Variants in CACHD1 observed in about 807,000 individuals in gnomAD.
CACHD1 encodes the protein cache domain containing 1.
Under a neutral mutation model 138.7 loss-of-function variants are expected in CACHD1, and 71 were observed. That is an observed-to-expected ratio of 0.51 (90% confidence interval 0.42 to 0.62). CACHD1 has a LOEUF of 0.62. Ranked by LOEUF, CACHD1 falls within the 20% of genes least tolerant of loss-of-function variation. CACHD1 has a pLI of 0.00. For synonymous variants in CACHD1, 578 were observed against 591.5 expected (o/e 0.98, Z 0.33); for missense variants, 1,389 against 1,625.3 (o/e 0.85, Z 2.50).
intron 26 of CACHD1, among the ~76,000 whole-genome samples, chr1:64,685,868 ATGCTGGGTGGAGT>A (rs1329639418): frequency 1.3e-5 from 2 of 151,916 alleles, no homozygotes; most frequent in Admixed American, 1.3e-4. Context: ...GAAAAAAAAA[ATGCTGGGTGGAGT>A]TGCAATGAGG....
At chr1:64,626,146 A>G (rs555306128) in intron 4 of CACHD1, among the ~76,000 whole-genome samples, 43 of 152,362 alleles carry the variant, frequency 2.8e-4, no homozygotes, top group Admixed American at 2.5e-3. Flanking sequence ...CAATTAGCCT[A>G]AAATGAGGTT....
At chr1:64,553,702 A>G (rs913754346) in intron 2 of CACHD1, among the ~76,000 whole-genome samples, 4 of 152,248 alleles carry the variant, frequency 2.6e-5, no homozygotes, top group African/African-American at 9.6e-5. Flanking sequence ...GACCTTCCAA[A>G]GAGAATATCT....
intron 5 of CACHD1, among the ~76,000 whole-genome samples, chr1:64,629,840 A>G (rs1192158058): frequency 6.6e-6 from 1 of 152,192 alleles, no homozygotes; most frequent in African/African-American, 2.4e-5. Flanking sequence ...TTTATAACAT[A>G]TCTCAGAGTA....
chr1:64,493,093 G>A (rs1288651892), intron 1 of CACHD1, among the ~76,000 whole-genome samples: 1 of 152,230 alleles, frequency 6.6e-6, no homozygotes. Context: ...CTGTGTCACA[G>A]AGCTGTTGTC....
chr1:64,593,438 A>G (rs1237570533), intron 3 of CACHD1, among the ~76,000 whole-genome samples: 2 of 152,202 alleles, frequency 1.3e-5, no homozygotes, highest in Non-Finnish European at 2.9e-5. Context: ...TGTTTTTATG[A>G]GAAATAAAAT....
intron 3 of CACHD1, among the ~76,000 whole-genome samples, chr1:64,597,510 GTTTTTTTTTTGTTGTTT>G (rs1557511902): frequency 9.0e-6 from 1 of 111,538 alleles, no homozygotes; most frequent in African/African-American, 3.5e-5. Flanking sequence ...CCAGAAGGAA[GTTTTTTTTTTGTTGTTT>G]TTTTTTTTTT....
At chr1:64,641,791 G>C (rs775663305) in intron 7 of CACHD1, 29 bp from the exon 8 acceptor site, 33 of 1,474,776 alleles carry the variant, frequency 2.2e-5, no homozygotes, top group African/African-American at 1.6e-4. Flanking sequence ...AATCCAAAGA[G>C]AGCATTCAAT....
intron 1 of CACHD1, among the ~76,000 whole-genome samples, chr1:64,512,822 T>C (rs1382376914): frequency 6.6e-6 from 1 of 152,244 alleles, no homozygotes; most frequent in Non-Finnish European, 1.5e-5. Context: ...CATGTAAGTT[T>C]GATATGTGGT....
Position 64,529,880 on chromosome 1 carries a change from A to C in CACHD1, c.199-20714A>C, listed in dbSNP as rs370132213. 2.2e-4 allele frequency among the ~76,000 whole-genome samples: 34 copies of C among 152,308 alleles called. No homozygotes were observed. In the South Asian group the frequency reaches 7.0e-3, roughly 32 times the overall value. ...CTTTAGAGGGTTTTTATAATTTCCA[A>C]ATCTTAAGTCTTGCCTCTAGGTCTT... is the stretch of plus-strand genomic sequence containing the variant. On this transcript the variant is annotated intron_variant, in intron 1 of 26. Transcript: ENST00000651257.
chr1:64,538,782 A>G (rs1310934112), intron 1 of CACHD1, among the ~76,000 whole-genome samples: 3 of 152,232 alleles, frequency 2.0e-5, no homozygotes, highest in Non-Finnish European at 4.4e-5. Flanking sequence ...ATAAATGAAC[A>G]CTTCTTCAGA....
chr1:64,551,136 C>T (rs1646755932), intron 2 of CACHD1, among the ~76,000 whole-genome samples: 1 of 152,042 alleles, frequency 6.6e-6, no homozygotes, highest in South Asian at 2.1e-4. Context: ...GACAAATTGA[C>T]CAAGAATGAA....
intron 3 of CACHD1, among the ~76,000 whole-genome samples, chr1:64,596,765 A>G (rs1270954164): frequency 2.6e-5 from 4 of 152,180 alleles, no homozygotes; most frequent in African/African-American, 9.7e-5. Flanking sequence ...AAAACAAGCA[A>G]ACAAGTAAAG....
chr1:64,691,268 C>A (rs1650543447), intron 26 of CACHD1, 55 bp from the exon 27 acceptor site: 7 of 1,539,284 alleles, frequency 4.5e-6, no homozygotes, highest in Admixed American at 3.4e-5. Context: ...TAGGTGAAAT[C>A]TTCTGTCTGC....
intron 3 of CACHD1, among the ~76,000 whole-genome samples, chr1:64,584,501 G>A (rs1259374940): frequency 1.3e-5 from 2 of 152,140 alleles, no homozygotes; most frequent in South Asian, 2.1e-4. Context: ...GTTTCAAGGA[G>A]CAACTCAACA....
intron 1 of CACHD1, among the ~76,000 whole-genome samples, chr1:64,542,969 G>A (rs1646688534): frequency 6.7e-6 from 1 of 150,168 alleles, no homozygotes; most frequent in South Asian, 2.1e-4. Flanking sequence ...ATGATACATA[G>A]TACATCCACA....
intron 1 of CACHD1, among the ~76,000 whole-genome samples, chr1:64,480,678 AT>A (rs879897698): frequency 1.1e-3 from 161 of 146,398 alleles, no homozygotes; most frequent in African/African-American, 3.1e-3. Context: ...TTATTTTTTT[AT>A]TTTTTTTTTT....
chr1:64,472,618 A>T (rs1307234969), intron 1 of CACHD1, among the ~76,000 whole-genome samples: 1 of 152,158 alleles, frequency 6.6e-6, no homozygotes, highest in Non-Finnish European at 1.5e-5. Context: ...CTGATTTCTG[A>T]TTATTGCTGA....
intron 3 of CACHD1, among the ~76,000 whole-genome samples, chr1:64,598,675 G>A (rs2100570697): frequency 6.6e-6 from 1 of 152,180 alleles, no homozygotes; most frequent in South Asian, 2.1e-4. Flanking sequence ...TAGTCAAATA[G>A]GGGTTCCATG....
intron 2 of CACHD1, among the ~76,000 whole-genome samples, chr1:64,577,101 T>C (rs1646974806): frequency 6.6e-6 from 1 of 151,790 alleles, no homozygotes; most frequent in Non-Finnish European, 1.5e-5. Context: ...ACACCAATAT[T>C]CTTGGCTAAT....
Sources: allele counts gnomAD v4.1 joint callset (sites outside exome capture counted in the v4.1 genomes callset), GRCh38; gene constraint gnomAD v4.1.1; transcripts MANE v1.5; gene names NCBI Gene and HGNC (gene_info 2026-07-23, HGNC 2026-07-21).